The following ADK variants were observed in gnomAD, a reference collection of about 807,000 sequenced individuals.
ADK encodes adenosine kinase.
In ADK, 24 loss-of-function variants were observed where a neutral mutation model predicts 44.7. The ratio of observed to expected loss-of-function variants is 0.54; its 90% confidence interval spans 0.39 to 0.76. The LOEUF (loss-of-function observed/expected upper bound fraction) is 0.76. ADK is among the 30% of genes least tolerant of loss of function. The pLI, the probability that ADK is intolerant of heterozygous loss-of-function variation, is 0.00. For synonymous variants in ADK, 128 were observed against 142.6 expected (o/e 0.90, Z 0.73); for missense variants, 321 against 425.1 (o/e 0.76, Z 2.15).
intron 3 of ADK, among the ~76,000 whole-genome samples, chr10:74,289,297 C>A (rs1847312632): frequency 6.6e-6 from 1 of 152,126 alleles, no homozygotes; most frequent in Non-Finnish European, 1.5e-5. Context: ...AAGTGATCAG[C>A]CCGCCTCTGA....
At chr10:74,247,224 G>GTTTTTTTTTTTTTTTTTTTTTTTTTATT (rs142274121) in intron 3 of ADK, among the ~76,000 whole-genome samples, 2 of 72,002 alleles carry the variant, frequency 2.8e-5, no homozygotes, top group East Asian at 4.5e-4. Flanking sequence ...TTTTTTTTAA[G>GTTTTTTTTTTTTTTTTTTTTTTTTTATT]TTTTTTTTTT....
intron 6 of ADK, among the ~76,000 whole-genome samples, chr10:74,414,313 TCA>T (rs1398654772): frequency 6.6e-6 from 1 of 152,246 alleles, no homozygotes; most frequent in East Asian, 1.9e-4. Context: ...GTGTTAGAGT[TCA>T]GTTTCTAATG....
intron 6 of ADK, among the ~76,000 whole-genome samples, chr10:74,505,160 C>A (rs891150184): frequency 6.6e-6 from 1 of 151,994 alleles, no homozygotes; most frequent in Admixed American, 6.6e-5. Flanking sequence ...TACAGAAATA[C>A]GTTGTAATTT....
intron 7 of ADK, among the ~76,000 whole-genome samples, chr10:74,542,953 T>C (rs1405932188): frequency 6.6e-6 from 1 of 151,902 alleles, no homozygotes; most frequent in Non-Finnish European, 1.5e-5. Context: ...CAGGCTGGAG[T>C]GCAGTGGTGC....
intron 10 of ADK, among the ~76,000 whole-genome samples, chr10:74,688,454 C>A (rs1232047481): frequency 1.3e-5 from 2 of 152,154 alleles, no homozygotes; most frequent in African/African-American, 4.8e-5. Context: ...ATGAATATAT[C>A]AATCATATGC....
chr10:74,274,749 C>CATAT (rs1183534647), intron 3 of ADK, among the ~76,000 whole-genome samples: 1 of 105,358 alleles, frequency 9.5e-6, no homozygotes, highest in African/African-American at 3.7e-5. Context: ...TATATATATA[C>CATAT]ACACACACAT....
chr10:74,514,272 A>G (rs1848473829), intron 6 of ADK, among the ~76,000 whole-genome samples: 2 of 152,160 alleles, frequency 1.3e-5, no homozygotes, highest in African/African-American at 4.8e-5. Context: ...TTTAACTGTA[A>G]TGTGCCTTGC....
intron 6 of ADK, among the ~76,000 whole-genome samples, chr10:74,409,563 A>G (rs563230735): frequency 1.3e-4 from 20 of 152,160 alleles, no homozygotes; most frequent in African/African-American, 4.3e-4. Context: ...TTCAGTTCCT[A>G]TGTCTTATTA....
chr10:74,375,015 A>C (rs2131986282), intron 4 of ADK, among the ~76,000 whole-genome samples: 1 of 152,220 alleles, frequency 6.6e-6, no homozygotes, highest in East Asian at 1.9e-4. Context: ...CTCACAGAGT[A>C]CTTTAGATAT....
chr10:74,200,001 G>T (rs547365051), intron 1 of ADK, among the ~76,000 whole-genome samples: 6 of 151,936 alleles, frequency 3.9e-5, no homozygotes, highest in Admixed American at 2.0e-4. Context: ...TTTTCTTTGG[G>T]TATATACCCA....
At chr10:74,704,888 A>G (rs932705788) in intron 10 of ADK, among the ~76,000 whole-genome samples, 2 of 152,256 alleles carry the variant, frequency 1.3e-5, no homozygotes, top group African/African-American at 4.8e-5. Flanking sequence ...AGTTTGGCAG[A>G]AAAGTTAATA....
At chr10:74,233,119 A>G (rs938757888) in intron 3 of ADK, among the ~76,000 whole-genome samples, 2 of 152,220 alleles carry the variant, frequency 1.3e-5, no homozygotes, top group African/African-American at 4.8e-5. Flanking sequence ...GAGTTTTGCC[A>G]TAGGCTGTAG....
intron 6 of ADK, among the ~76,000 whole-genome samples, chr10:74,416,720 A>G (rs1375916359): frequency 4.0e-5 from 6 of 151,822 alleles, no homozygotes; most frequent in African/African-American, 1.4e-4. Context: ...CATTTTTTGT[A>G]TTCATCTTTC....
intron 9 of ADK, among the ~76,000 whole-genome samples, chr10:74,607,877 G>A (rs1248690666): frequency 6.6e-6 from 1 of 152,022 alleles, no homozygotes; most frequent in East Asian, 1.9e-4. Context: ...CCAATCAAAT[G>A]TAGGTTTGGT....
chr10:74,689,854 T>G (rs1855924718), intron 10 of ADK, among the ~76,000 whole-genome samples: 1 of 152,200 alleles, frequency 6.6e-6, no homozygotes, highest in South Asian at 2.1e-4. Context: ...TTTTTCTTCT[T>G]TCCTTACTAT....
intron 7 of ADK, among the ~76,000 whole-genome samples, chr10:74,553,041 G>C (rs887837506): frequency 1.3e-5 from 2 of 151,412 alleles, no homozygotes; most frequent in African/African-American, 4.9e-5. Context: ...TTTTTTCCTG[G>C]TAAAAATTAA....
intron 2 of ADK, among the ~76,000 whole-genome samples, chr10:74,204,292 G>A (rs1843510309): frequency 6.6e-6 from 1 of 151,808 alleles, no homozygotes; most frequent in Non-Finnish European, 1.5e-5. Flanking sequence ...GTGTTTAGTA[G>A]GTTTTCAGTG....
chr10:74,218,551 C>G (rs1039999948), intron 2 of ADK, among the ~76,000 whole-genome samples: 1 of 152,058 alleles, frequency 6.6e-6, no homozygotes, highest in Non-Finnish European at 1.5e-5. Flanking sequence ...AGACCAACAC[C>G]AAGACACATA....
intron 9 of ADK, among the ~76,000 whole-genome samples, chr10:74,633,702 C>A (rs1853520278): frequency 6.6e-6 from 1 of 152,176 alleles, no homozygotes; most frequent in African/African-American, 2.4e-5. Flanking sequence ...ACAAAACCAA[C>A]TACCTGGAGA....
Sources: gnomAD v4.1 joint callset for allele counts (sites outside exome capture counted in the v4.1 genomes callset) on GRCh38, gnomAD v4.1.1 for gene constraint, MANE v1.5 for transcripts, NCBI Gene and HGNC (gene_info 2026-07-23, HGNC 2026-07-21) for gene names.